PIK3R3: variants seen among roughly 807,000 people sequenced by gnomAD.
The protein encoded by PIK3R3 is phosphoinositide-3-kinase regulatory subunit 3.
Under a neutral mutation model 62.9 loss-of-function variants are expected in PIK3R3, and 64 were observed. The observed-to-expected ratio is 1.02, with a 90% confidence interval of 0.83 to 1.25. PIK3R3 has a LOEUF of 1.25. Ranked by LOEUF, PIK3R3 falls within the 50% of genes most tolerant of loss-of-function variation. PIK3R3 has a pLI of 0.00. For missense variants in PIK3R3, 614 were observed against 561.6 expected, an observed-to-expected ratio of 1.09 and a Z score of -0.94; for synonymous variants, 165 against 189.0, an observed-to-expected ratio of 0.87 and a Z score of 1.04.
chr1:46,050,920 AT>A (rs1201425277), intron 7 of PIK3R3, among the ~76,000 whole-genome samples: 1 of 152,234 alleles, frequency 6.6e-6, no homozygotes, highest in African/African-American at 2.4e-5. Flanking sequence ...TGAAAACACC[AT>A]GCTAAGTGAA....
At chr1:46,123,742 G>C (rs1301223458) in intron 1 of PIK3R3, among the ~76,000 whole-genome samples, 1 of 152,202 alleles carries the variant, frequency 6.6e-6, no homozygotes, top group Admixed American at 6.5e-5. Flanking sequence ...TGTCTGTAGA[G>C]TGGGATAATA....
intron 7 of PIK3R3, among the ~76,000 whole-genome samples, chr1:46,049,077 C>A (rs982442243): frequency 6.6e-6 from 1 of 150,770 alleles, no homozygotes; most frequent in African/African-American, 2.4e-5. Context: ...GTTGTAAAAC[C>A]AATTAGATTT....
At position 46,045,924 on chromosome 1, in the gene PIK3R3, G is replaced by C; in HGVS notation, c.1181C>G (p.Ser394Cys). The change falls in exon 9 of 10, where the codon TCT (serine) becomes TGT (cysteine). Residue 394 changes from serine (S) to cysteine (C), a missense_variant. Physicochemically the swap from Ser to Cys is moderately radical, Grantham distance 112. Coordinates refer to ENST00000262741, the MANE Select transcript of PIK3R3 (RefSeq NM_003629.4). ...ATCCCCAGAGAAGACTTACACCACA[G>C]AGCAAGCATAGCATCCTTTCTTGCT... is the stretch of plus-strand genomic sequence containing the variant. ...ESSKKGCYAC[S>C]VVADGEVKHC... 1 of 1,612,390 alleles carries C rather than the reference G, an allele frequency of 6.2e-7. No individual in the cohort carries two copies. Among genetic ancestry groups the C allele is most frequent in the Non-Finnish European group, 8.5e-7 (1 of 1,178,854 alleles).
At chr1:46,105,343 T>C (rs997320908) in intron 1 of PIK3R3, among the ~76,000 whole-genome samples, 26 of 152,050 alleles carry the variant, frequency 1.7e-4, no homozygotes, top group Admixed American at 1.4e-3. Context: ...CTACTAAAAA[T>C]ACAAAAATTA....
At chr1:46,094,034 A>C (rs1207043424) in intron 1 of PIK3R3, among the ~76,000 whole-genome samples, 1 of 151,616 alleles carries the variant, frequency 6.6e-6, no homozygotes, top group African/African-American at 2.4e-5. Flanking sequence ...GCACCACTGC[A>C]CTCCAGACTG....
At chr1:46,076,463 G>C (rs1650073082) in intron 3 of PIK3R3, among the ~76,000 whole-genome samples, 2 of 152,236 alleles carry the variant, frequency 1.3e-5, no homozygotes, top group South Asian at 4.1e-4. Context: ...TCTCCGTGGA[G>C]TGGTGGAGAC....
intron 1 of PIK3R3, among the ~76,000 whole-genome samples, chr1:46,104,219 C>T (rs1314155720): frequency 6.6e-6 from 1 of 151,996 alleles, no homozygotes; most frequent in Non-Finnish European, 1.5e-5. Context: ...TGAGCCACCA[C>T]GCCTGGACAT....
intron 7 of PIK3R3, among the ~76,000 whole-genome samples, chr1:46,049,422 T>C (rs1647200595): frequency 6.6e-6 from 1 of 152,210 alleles, no homozygotes. Context: ...GCTGACGCCT[T>C]CGTCCTGGAA....
At chr1:46,101,495 C>T (rs1652673832) in intron 1 of PIK3R3, among the ~76,000 whole-genome samples, 1 of 152,136 alleles carries the variant, frequency 6.6e-6, no homozygotes, top group Non-Finnish European at 1.5e-5. Context: ...CACAGCAAGA[C>T]TCTGTTTCAA....
intron 1 of PIK3R3, among the ~76,000 whole-genome samples, chr1:46,082,160 T>C (rs942642026): frequency 5.3e-5 from 8 of 152,226 alleles, no homozygotes; most frequent in South Asian, 4.1e-4. Flanking sequence ...AGGTTAATAT[T>C]AGAAATAATG....
At chr1:46,159,116 T>TAAATAAATA in the PIK3R3 span, among the ~76,000 whole-genome samples, 2 of 143,798 alleles carry the variant, frequency 1.4e-5, no homozygotes, top group African/African-American at 5.0e-5. Flanking sequence ...AATAAATAAA[T>TAAATAAATA]AAATAAAATA....
At chr1:46,092,820 T>C (rs200718860) in intron 1 of PIK3R3, among the ~76,000 whole-genome samples, 1 of 151,640 alleles carries the variant, frequency 6.6e-6, no homozygotes, top group African/African-American at 2.4e-5. Flanking sequence ...TGGTCTTCAT[T>C]TCTCTCTCTC....
At chr1:46,141,964 T>C in the PIK3R3 span, among the ~76,000 whole-genome samples, 534 of 152,354 alleles carry the variant, frequency 3.5e-3, 6 homozygotes, top group East Asian at 0.035. Flanking sequence ...CTTATTCTGA[T>C]ACTCCAAACC....
intron 1 of PIK3R3, among the ~76,000 whole-genome samples, chr1:46,118,168 A>G (rs1204147574): frequency 6.6e-6 from 1 of 152,242 alleles, no homozygotes; most frequent in Admixed American, 6.5e-5. Context: ...TAATTATTAA[A>G]GCATATATAG....
intron 1 of PIK3R3, among the ~76,000 whole-genome samples, chr1:46,115,397 C>A (rs887666677): frequency 2.0e-5 from 3 of 152,146 alleles, no homozygotes; most frequent in Non-Finnish European, 2.9e-5. Flanking sequence ...CTCTTAAACA[C>A]CATAGAAAAT....
intron 1 of PIK3R3, among the ~76,000 whole-genome samples, chr1:46,121,501 T>C (rs910150832): frequency 8.5e-5 from 13 of 152,158 alleles, no homozygotes; most frequent in African/African-American, 3.1e-4. Context: ...CTTAAGTTTA[T>C]AAATAAATAC....
chr1:46,169,855 T>C, the PIK3R3 span, among the ~76,000 whole-genome samples: 2 of 152,198 alleles, frequency 1.3e-5, no homozygotes, highest in Non-Finnish European at 2.9e-5. Flanking sequence ...GTAAATACCT[T>C]TGTTGTTTGC....
At chr1:46,087,038 G>A (rs1435693495) in intron 1 of PIK3R3, among the ~76,000 whole-genome samples, 1 of 152,166 alleles carries the variant, frequency 6.6e-6, no homozygotes, top group African/African-American at 2.4e-5. Context: ...AACACTGCAT[G>A]TTCTCACTCA....
chr1:46,156,160 A>G, the PIK3R3 span, among the ~76,000 whole-genome samples: 4 of 152,166 alleles, frequency 2.6e-5, no homozygotes, highest in Non-Finnish European at 5.9e-5. Flanking sequence ...ATAAATGTGC[A>G]TGTTCTTCCT....
Sources: gnomAD v4.1 joint callset for allele counts (sites outside exome capture counted in the v4.1 genomes callset) on GRCh38, gnomAD v4.1.1 for gene constraint, MANE v1.5 for transcripts, NCBI Gene and HGNC (gene_info 2026-07-23, HGNC 2026-07-21) for gene names.